Variants in TFR2 observed in about 807,000 individuals in gnomAD.
The protein encoded by TFR2 is transferrin receptor 2.
A neutral mutation model predicts 91.9 loss-of-function variants in TFR2; 64 were observed. The observed-to-expected ratio is 0.70, with a 90% CI of 0.57 to 0.86. The LOEUF (loss-of-function observed/expected upper bound fraction) is 0.86, where lower values mean the gene tolerates loss of function less well. TFR2 is among the 40% of genes least tolerant of loss of function. The pLI is 0.00. For synonymous variants in TFR2, 454 were observed against 459.6 expected (o/e 0.99, Z 0.15); for missense variants, 950 against 1,080.5 (o/e 0.88, Z 1.69).
chr7:100,621,171 G>C, intron 17 of TFR2, 45 bp from the exon 18 acceptor site: 1 of 1,446,418 alleles, frequency 6.9e-7, no homozygotes, highest in East Asian at 2.6e-5. Context: ...GCTCTGGCTC[G>C]GGAGCAAAGG....
chr7:100,631,590 C>T (rs746206861), intron 8 of TFR2: 12 of 480,598 alleles, frequency 2.5e-5, no homozygotes, highest in Non-Finnish European at 4.3e-5. Flanking sequence ...CACCACTGCA[C>T]TCCAGCCTGG....
intron 8 of TFR2, 114 bp downstream of exon 8, chr7:100,631,692 T>A: frequency 1.4e-6 from 2 of 1,455,866 alleles, no homozygotes; most frequent in South Asian, 2.7e-5. Flanking sequence ...CATGGCTCAC[T>A]GCAGGCTTAA....
In TFR2 at chr7:100,628,727, C is replaced by T. The variant is rs41303507; in HGVS notation, c.1391-421G>A. On this transcript the variant is annotated intron_variant, in intron 10 of 17. Coordinates refer to ENST00000223051, the MANE Select transcript of TFR2 (RefSeq NM_003227.4). ...CAACATGCTTAATCTTGACACAGAC[C>T]CATGGACTATGATTATCATTCATGT... Among the ~76,000 whole-genome samples the T allele has an allele frequency of 2.6e-3, 392 of 151,290 alleles. 1 individual carries two copies. Among genetic ancestry groups the T allele is most frequent in the Non-Finnish European group, 4.7e-3 (320 of 67,796 alleles).
Position 100,621,070 on chromosome 7 carries a change from G to GT in TFR2, c.2192dup (p.His731GlnfsTer61). On this transcript the variant is annotated frameshift_variant, in exon 18 of 18. Transcript: ENST00000223051. LOFTEE classifies it high-confidence loss of function. Reference sequence around the variant, plus strand: ...TGTGGTCTCCACGGCCCATGAAGATGTGGCGGAACGGGGAGTCGGCTGGCG... The same window carrying GT: ...TGTGGTCTCCACGGCCCATGAAGATGTTGGCGGAACGGGGAGTCGGCTGGCG... The GT allele has an allele frequency of 6.4e-7, 1 of 1,555,254 alleles. No individual in the cohort carries two copies. The highest frequency in any genetic ancestry group is 8.7e-7 in the Non-Finnish European group (1 of 1,147,588).
At chr7:100,636,301 G>A (rs77742895) in intron 3 of TFR2, among the ~76,000 whole-genome samples, 3 of 150,694 alleles carry the variant, frequency 2.0e-5, no homozygotes, top group East Asian at 2.0e-4. Context: ...TCAGCCTCCC[G>A]AGTAGCTGGG....
At position 100,641,180 on chromosome 7, in the gene TFR2, C is replaced by T; in HGVS notation, c.82G>A (p.Gly28Ser). 1 of 1,523,948 alleles carries T rather than the reference C, an allele frequency of 6.6e-7. No homozygotes were observed. 94.4% of individuals were successfully genotyped at this position (1,523,948 alleles called of 1,614,324 possible). A position where few individuals can be genotyped will look rare whatever the true frequency, so the allele number is the denominator to read the frequency against. Reference protein sequence around the residue: ...SSQTVYQRVEGPRKGHLEEEE... With the variant: ...SSQTVYQRVESPRKGHLEEEE... The stretch of plus-strand genomic sequence containing the variant: ...TCCTCCAGGTGCCCTTTCCGGGGGC[C>T]TTCCACACGCTGGTAGACGGTCTGA... The change falls in exon 2 of 18, where the codon GGC becomes AGC. Residue 28 changes from glycine (G) to serine (S), a missense_variant. Gly to Ser is a moderately conservative substitution (Grantham distance 56). Coordinates refer to ENST00000223051, the MANE Select transcript of TFR2 (RefSeq NM_003227.4).
intron 3 of TFR2, among the ~76,000 whole-genome samples, chr7:100,634,929 TTTTC>T (rs559519454): frequency 6.0e-4 from 92 of 152,160 alleles, no homozygotes; most frequent in South Asian, 1.9e-3. Context: ...TTCTTTTCTT[TTTTC>T]TTTCTTTCTT....
intron 10 of TFR2, among the ~76,000 whole-genome samples, 171 bp downstream of exon 10, chr7:100,629,082 A>C (rs1803353581): frequency 6.6e-6 from 1 of 152,034 alleles, no homozygotes; most frequent in Non-Finnish European, 1.5e-5. Context: ...TTTTTAGGTG[A>C]CGAAATAGAG....
chr7:100,638,125 T>G (rs1293312541), intron 3 of TFR2, among the ~76,000 whole-genome samples: 1 of 152,048 alleles, frequency 6.6e-6, no homozygotes, highest in Non-Finnish European at 1.5e-5. Context: ...TGCCTCAGCC[T>G]CCCAAGTAGC....
At chr7:100,626,472 CGGGGAGGGGTG>C (rs1375800527) in intron 17 of TFR2, 2 of 389,516 alleles carry the variant, frequency 5.1e-6, no homozygotes, top group African/African-American at 3.3e-5. Flanking sequence ...GGGGAGTCAG[CGGGGAGGGGTG>C]GGGGAGGGTG....
intron 6 of TFR2, 98 bp from the exon 7 acceptor site, chr7:100,632,296 TC>T: frequency 1.8e-6 from 2 of 1,119,604 alleles, no homozygotes; most frequent in Non-Finnish European, 1.4e-6. Context: ...CTTGCAACTG[TC>T]CATCCCACGG....
Position 100,633,224 on chromosome 7 carries a change from C to T in TFR2, c.726+5G>A. The T allele has an allele frequency of 1.2e-6, 2 of 1,613,652 alleles. No individual in the cohort carries two copies. The highest frequency in any genetic ancestry group is 1.7e-6 in the Non-Finnish European group (2 of 1,179,872). ...CCATCCTAGGAGCGGGCAGGGGGTG[C>T]TCACCGTGACGTTGCCGATGGCGCT... On this transcript the variant is annotated splice_donor_5th_base_variant and intron_variant, in intron 5 of 17. Coordinates refer to ENST00000223051, the MANE Select transcript of TFR2 (RefSeq NM_003227.4).
chr7:100,634,818 T>C (rs1312694530), intron 3 of TFR2, among the ~76,000 whole-genome samples: 1 of 152,226 alleles, frequency 6.6e-6, no homozygotes, highest in Non-Finnish European at 1.5e-5. Flanking sequence ...GCCTGGCAAA[T>C]TACTCATCTT....
At position 100,631,958 on chromosome 7, in the gene TFR2, G is replaced by A. The variant is rs765302077; in HGVS notation, c.967-13C>T. The A allele has an allele frequency of 6.2e-7, 1 of 1,614,030 alleles. No individual in the cohort carries two copies. Among genetic ancestry groups the A allele is most frequent in the South Asian group, 1.1e-5 (1 of 91,078 alleles). On this transcript the variant is annotated splice_polypyrimidine_tract_variant and intron_variant, in intron 7 of 17. Transcript: ENST00000223051. ...TTCCCAGGTGCACCTGCAGGGAAAG[G>A]GGTGCCCACGCAAAGCTGCGAGCTG...
rs41303495 is a variant in TFR2, at chr7:100,631,032, G to T, written c.1127C>A (p.Ala376Asp). The change falls in exon 9 of 18, where the codon GCC becomes GAC. Residue 376 changes from alanine to aspartate, a missense_variant. Transcript: ENST00000223051. ...GAGGCTCCCCTGCCATTCTTGGGGG[G>T]CCACAGGGCCTTTGAGCTTCCTGGA... ...RLLRKLKGPV[A>D]PQEWQGSLLG... 7,480 of 1,592,294 alleles carry T rather than the reference G, an allele frequency of 4.7e-3. 29 individuals are homozygous for T. Among genetic ancestry groups the T allele is most frequent in the Non-Finnish European group, 5.7e-3 (6,668 of 1,171,846 alleles).
chr7:100,627,339 G>A lies in TFR2; in HGVS notation c.1920C>T (p.Pro640=), dbSNP rs539909716. ...LIRLSHDRLL[P]LDFGRYGDVV... is the part of the protein sequence containing the mutation. ...CGTCCCCGTAGCGGCCGAAGTCGAG[G>A]GGCAGCAGGCGATCGTGGCTGAGCC... Residue 640 remains proline, a synonymous_variant, in exon 16 of 18, where the codon CCC becomes CCT. Coordinates refer to ENST00000223051, the MANE Select transcript of TFR2 (RefSeq NM_003227.4). The A allele has an allele frequency of 4.7e-5, 73 of 1,551,310 alleles. 1 individual carries two copies. The South Asian group carries it at 8.6e-4, about 18-fold the overall frequency.
intron 17 of TFR2, 140 bp from the exon 18 acceptor site, chr7:100,621,266 T>G: frequency 1.7e-6 from 2 of 1,209,978 alleles, no homozygotes; most frequent in Non-Finnish European, 2.2e-6. Context: ...TTTGTTCGTT[T>G]GTTTTGAGAC....
intron 6 of TFR2, 43 bp from the exon 7 acceptor site, chr7:100,632,241 C>T (rs914927239): frequency 1.3e-6 from 2 of 1,574,646 alleles, no homozygotes; most frequent in African/African-American, 1.3e-5. Context: ...AGAAAAAAAC[C>T]CGATTCATAA....
At chr7:100,637,187 G>T (rs1045384011) in intron 3 of TFR2, among the ~76,000 whole-genome samples, 6 of 152,158 alleles carry the variant, frequency 3.9e-5, no homozygotes, top group Admixed American at 2.6e-4. Flanking sequence ...ATCTCCTGAG[G>T]TCAGGAGTTC....
Sources: gnomAD v4.1 joint callset for allele counts (sites outside exome capture counted in the v4.1 genomes callset) on GRCh38, gnomAD v4.1.1 for gene constraint, MANE v1.5 for transcripts, NCBI Gene and HGNC (gene_info 2026-07-23, HGNC 2026-07-21) for gene names.